MID1: variants seen among roughly 807,000 people sequenced by gnomAD.
The protein encoded by MID1 is midline 1, also known as E3 ubiquitin-protein ligase Midline-1.
A neutral mutation model predicts 40.4 loss-of-function variants in MID1; 7 were observed. The ratio of observed to expected loss-of-function variants is 0.17; its 90% CI spans 0.10 to 0.33. The LOEUF (loss-of-function observed/expected upper bound fraction) is 0.33. Ranked by LOEUF, MID1 falls within the 10% of genes least tolerant of loss-of-function variation. MID1 has a pLI of 1.00. For synonymous variants in MID1, 229 were observed against 221.2 expected (o/e 1.04, Z -0.31); for missense variants, 367 against 558.5 (o/e 0.66, Z 3.46).
intron 1 of MID1, among the ~76,000 whole-genome samples, chrX:10,779,908 G>A (rs762946285): frequency 4.5e-5 from 5 of 110,697 alleles, no homozygotes; most frequent in African/African-American, 6.6e-5. Flanking sequence ...CTGGGCTCTC[G>A]GGAAGCCTCA....
At chrX:10,606,093 C>T (rs1474422609) in intron 1 of MID1, among the ~76,000 whole-genome samples, 1 of 111,166 alleles carries the variant, frequency 9.0e-6, no homozygotes, top group Non-Finnish European at 1.9e-5. Flanking sequence ...AAACTAAAAC[C>T]GGAATTTAAA....
At chrX:10,546,290 G>A (rs754600344) in intron 2 of MID1, among the ~76,000 whole-genome samples, 7 of 112,566 alleles carry the variant, frequency 6.2e-5, no homozygotes, top group Non-Finnish European at 9.4e-5. Context: ...TTTAGAAGCT[G>A]TAAAATGAAG....
intron 1 of MID1, among the ~76,000 whole-genome samples, chrX:10,664,740 T>C (rs7059850): frequency 0.14 from 15,535 of 111,449 alleles, 1,735 homozygotes; most frequent in African/African-American, 0.37. Context: ...TAACTTGAGC[T>C]GGTAAAGCCT....
intron 1 of MID1, among the ~76,000 whole-genome samples, chrX:10,611,485 T>C (rs1293983465): frequency 2.7e-5 from 3 of 111,687 alleles, no homozygotes; most frequent in African/African-American, 9.8e-5. Flanking sequence ...GGCTGGGAAA[T>C]GTCCCATCAG....
At position 10,499,671 on chromosome X, in the gene MID1, A is replaced by G. The variant is rs769789953; in HGVS notation, c.757-3980T>C. Among the ~76,000 whole-genome samples, 5 of 111,984 alleles carry G rather than the reference A, an allele frequency of 4.5e-5. No individual in the cohort carries two copies. The South Asian group carries it at 1.9e-3, about 42-fold the overall frequency. On this transcript the variant is annotated intron_variant, in intron 3 of 9. Transcript: ENST00000317552. ...ATGGATAGCCAGTTGTCTCAGCACA[A>G]TTTTTTGAAAGACTATTCTTTCTTT... is the stretch of plus-strand genomic sequence containing the variant.
At chrX:10,604,500 TTA>T (rs1474452716) in intron 1 of MID1, among the ~76,000 whole-genome samples, 1 of 112,138 alleles carries the variant, frequency 8.9e-6, no homozygotes, top group African/African-American at 3.2e-5. Flanking sequence ...TTTCTTGAAA[TTA>T]TGTTTTCTTG....
intron 1 of MID1, among the ~76,000 whole-genome samples, chrX:10,669,555 G>A (rs1467078592): frequency 8.9e-6 from 1 of 112,023 alleles, no homozygotes; most frequent in East Asian, 2.8e-4. Context: ...TTCTTGTCAT[G>A]AGTATTGGGT....
chrX:10,482,232 ATTCT>A (rs1441535242), intron 5 of MID1, among the ~76,000 whole-genome samples: 2 of 111,818 alleles, frequency 1.8e-5, no homozygotes, highest in Non-Finnish European at 1.9e-5. Context: ...GGTTGATTTT[ATTCT>A]TTCTAACTGG....
intron 3 of MID1, among the ~76,000 whole-genome samples, chrX:10,512,190 C>T (rs747288170): frequency 8.9e-6 from 1 of 112,379 alleles, no homozygotes; most frequent in African/African-American, 3.2e-5. Flanking sequence ...GATTTCAGAA[C>T]GTTCATAAGA....
At chrX:10,812,968 C>T (rs1374945925) in intron 1 of MID1, among the ~76,000 whole-genome samples, 2 of 111,317 alleles carry the variant, frequency 1.8e-5, no homozygotes, top group East Asian at 5.6e-4. Context: ...CCTGAATTGG[C>T]CTATTCTCGG....
chrX:10,518,817 A>T (rs1354630149), intron 3 of MID1, among the ~76,000 whole-genome samples: 1 of 112,173 alleles, frequency 8.9e-6, no homozygotes, highest in Non-Finnish European at 1.9e-5. Flanking sequence ...AAAACAACAG[A>T]GAAAAGAATG....
intron 2 of MID1, among the ~76,000 whole-genome samples, chrX:10,552,989 T>G (rs1933974755): frequency 8.9e-6 from 1 of 111,947 alleles, no homozygotes; most frequent in African/African-American, 3.2e-5. Flanking sequence ...TGGCTCATGA[T>G]GTAATCCCAG....
At chrX:10,625,919 T>C (rs1013535387) in intron 1 of MID1, among the ~76,000 whole-genome samples, 2 of 111,667 alleles carry the variant, frequency 1.8e-5, no homozygotes, top group Admixed American at 9.5e-5. Flanking sequence ...ATAATTATCA[T>C]GCAGTTGTGT....
Position 10,459,679 on chromosome X carries a change from G to A in MID1, c.1414C>T (p.Arg472Cys), listed in dbSNP as rs1339922842. The A allele has an allele frequency of 2.8e-5, 34 of 1,211,512 alleles. No individual in the cohort carries two copies. The highest frequency in any genetic ancestry group is 3.6e-5 in the Non-Finnish European group (32 of 895,470). ...MVKAINQAGS[R>C]SSEPGKLKTN... ...TTCAACTTCCCAGGCTCACTGCTGC[G>A]GCTGCCCGCCTGGTTGATGGCCTTG... Residue 472 changes from arginine to cysteine, a missense_variant, in exon 8 of 10, where the codon CGC becomes TGC. Physicochemically the swap from Arg to Cys is radical, Grantham distance 180. Coordinates refer to ENST00000317552, the MANE Select transcript of MID1 (RefSeq NM_000381.4).
At chrX:10,622,412 T>A (rs185886679), upstream of MID1, among the ~76,000 whole-genome samples, 6 of 111,891 alleles carry the variant, frequency 5.4e-5, no homozygotes, top group African/African-American at 1.6e-4. Context: ...GCCCTTTTAA[T>A]GTTCCTTCCA....
chrX:10,700,768 GA>G (rs981392356), intron 1 of MID1, among the ~76,000 whole-genome samples: 1 of 111,511 alleles, frequency 9.0e-6, no homozygotes, highest in African/African-American at 3.3e-5. Context: ...TGACTGTTTG[GA>G]AAAAAGACCA....
At position 10,495,635 on chromosome X, in the gene MID1, C is replaced by G; in HGVS notation, c.813G>C (p.Glu271Asp). ...TAATCTGTCGTCTTTGCTGAATGAT[C>G]TCAATGAGAAGATCACACTCCTCTG... is the stretch of plus-strand genomic sequence containing the variant. ...KLTEECDLLI[E>D]IIQQRRQIIG... is the part of the protein sequence containing the mutation. The change falls in exon 4 of 10, where the codon GAG becomes GAC. Residue 271 changes from glutamate (E) to aspartate (D), a missense_variant. Coordinates refer to ENST00000317552, the MANE Select transcript of MID1 (RefSeq NM_000381.4). The G allele has an allele frequency of 8.3e-7, 1 of 1,210,644 alleles. No homozygotes were observed. The highest frequency in any genetic ancestry group is 1.1e-6 in the Non-Finnish European group (1 of 894,755).
At chrX:10,651,798 AT>A (rs1008174463) in intron 1 of MID1, among the ~76,000 whole-genome samples, 6 of 110,405 alleles carry the variant, frequency 5.4e-5, no homozygotes, top group African/African-American at 2.0e-4. Flanking sequence ...GCTAATTAAA[AT>A]TTTTTTTCAG....
chrX:10,804,610 G>A (rs189577009), intron 1 of MID1, among the ~76,000 whole-genome samples: 1 of 111,359 alleles, frequency 9.0e-6, no homozygotes, highest in East Asian at 2.8e-4. Context: ...TTATACAGGA[G>A]CACTGTTGAT....
Sources: allele counts gnomAD v4.1 joint callset (sites outside exome capture counted in the v4.1 genomes callset), GRCh38; gene constraint gnomAD v4.1.1; transcripts MANE v1.5; gene names NCBI Gene and HGNC (gene_info 2026-07-23, HGNC 2026-07-21).